TTC6: variants seen among roughly 807,000 people sequenced by gnomAD.
The protein encoded by TTC6 is tetratricopeptide repeat domain 6.
TTC6 carries 172 observed loss-of-function variants against 210.4 expected under a neutral mutation model. That is an observed-to-expected ratio of 0.82 (90% CI 0.72 to 0.93). The LOEUF (loss-of-function observed/expected upper bound fraction) is 0.93, where lower values mean the gene tolerates loss of function less well. Among genes scored for constraint, TTC6 ranks in the 40% least tolerant of loss-of-function variants. The pLI, the probability that TTC6 is intolerant of heterozygous loss-of-function variation, is 0.00. For missense variants in TTC6, 2,414 were observed against 2,318.1 expected (o/e 1.04, Z -0.85); for synonymous variants, 804 against 819.6 (o/e 0.98, Z 0.32).
intron 29 of TTC6, among the ~76,000 whole-genome samples, chr14:37,840,050 T>C (rs1956874100): frequency 6.6e-6 from 1 of 152,170 alleles, no homozygotes; most frequent in Non-Finnish European, 1.5e-5. Context: ...ACTGTAGCCT[T>C]GTAGTATAGT....
intron 1 of TTC6, among the ~76,000 whole-genome samples, chr14:37,650,899 TGGG>T (rs1566863763): frequency 1.3e-5 from 2 of 152,182 alleles, no homozygotes; most frequent in Non-Finnish European, 2.9e-5. Flanking sequence ...ACGCTGACCT[TGGG>T]GGCTTTTGAA....
At chr14:37,742,118 C>T (rs2095921872) in intron 10 of TTC6, among the ~76,000 whole-genome samples, 1 of 152,176 alleles carries the variant, frequency 6.6e-6, no homozygotes, top group Non-Finnish European at 1.5e-5. Context: ...TCTTCCAGGA[C>T]TGAGTAATAT....
chr14:37,782,672 G>A (rs989172256), intron 14 of TTC6, among the ~76,000 whole-genome samples: 1 of 152,166 alleles, frequency 6.6e-6, no homozygotes, highest in Non-Finnish European at 1.5e-5. Flanking sequence ...ATGTTGAATA[G>A]GAGTGATGAG....
chr14:37,728,762 T>G (rs942230223), intron 7 of TTC6, among the ~76,000 whole-genome samples: 1 of 152,222 alleles, frequency 6.6e-6, no homozygotes, highest in Admixed American at 6.5e-5. Flanking sequence ...CCCTACTGTC[T>G]GTGCTGTTTT....
chr14:37,607,617 C>CTTTTTTTTTT (rs71433907), intron 2 of TTC6, among the ~76,000 whole-genome samples: 1 of 140,228 alleles, frequency 7.1e-6, no homozygotes, highest in African/African-American at 2.6e-5. Context: ...AGTATTTAGT[C>CTTTTTTTTTT]TTTTTTTTTT....
chr14:37,668,764 A>T (rs891757096), intron 1 of TTC6, among the ~76,000 whole-genome samples: 28 of 152,200 alleles, frequency 1.8e-4, no homozygotes, highest in Non-Finnish European at 4.4e-5. Flanking sequence ...TTAATACAAA[A>T]TTTACCACAC....
At position 37,632,050 on chromosome 14, in the gene TTC6, G is replaced by C. The variant is rs112721959; in HGVS notation, c.939+9047G>C. ...TCAAGGCTCTTAGCTTCCTTACTTTGGGTTAGAACATGTTCCTTTAGCTTG... is the reference window on the plus strand; with the variant it reads ...TCAAGGCTCTTAGCTTCCTTACTTTCGGTTAGAACATGTTCCTTTAGCTTG... On this transcript the variant is annotated intron_variant, in intron 1 of 30. Coordinates refer to ENST00000553443, the Ensembl canonical transcript of TTC6. Among the ~76,000 whole-genome samples the C allele has an allele frequency of 1.3e-5, 2 of 152,088 alleles. 1 individual carries two copies. Among genetic ancestry groups the C allele is most frequent in the African/African-American group, 4.8e-5 (2 of 41,470 alleles).
chr14:37,743,346 G>T (rs71407733), intron 10 of TTC6, among the ~76,000 whole-genome samples: 6,783 of 152,054 alleles, frequency 0.045, 228 homozygotes, highest in Non-Finnish European at 0.07. Context: ...GTTCATCCAC[G>T]GTCTGCATTT....
intron 26 of TTC6, among the ~76,000 whole-genome samples, chr14:37,819,562 G>A (rs1714044533): frequency 6.6e-6 from 1 of 152,110 alleles, no homozygotes; most frequent in East Asian, 1.9e-4. Flanking sequence ...CACCACGAGT[G>A]TTATGGTAGA....
chr14:37,787,893 G>GTC (rs1157103253), intron 15 of TTC6, among the ~76,000 whole-genome samples: 1 of 89,296 alleles, frequency 1.1e-5, no homozygotes, highest in African/African-American at 6.1e-5. Context: ...GTGTGTCTGT[G>GTC]TGTGTGTGTG....
chr14:37,632,590 G>A (rs184022484), intron 1 of TTC6, among the ~76,000 whole-genome samples: 217 of 152,288 alleles, frequency 1.4e-3, no homozygotes, highest in African/African-American at 5.1e-3. Context: ...CAGGAGGCAC[G>A]GGGGTCAGGG....
intron 29 of TTC6, among the ~76,000 whole-genome samples, chr14:37,828,730 A>AG (rs1401924547): frequency 0.01 from 1,591 of 152,180 alleles, 34 homozygotes; most frequent in African/African-American, 0.036. Context: ...CATTGTTTTG[A>AG]ATATGTCAGG....
intron 1 of TTC6, among the ~76,000 whole-genome samples, chr14:37,662,954 A>G (rs1004992507): frequency 6.6e-6 from 1 of 152,044 alleles, no homozygotes; most frequent in Non-Finnish European, 1.5e-5. Context: ...TAGTCATACC[A>G]TTGAATCTGC....
exon 12 of TTC6, chr14:37,749,802 A>G: frequency 6.8e-7 from 1 of 1,460,834 alleles, no homozygotes; most frequent in Non-Finnish European, 9.0e-7. Flanking sequence ...GAAGCTTTGG[A>G]TGACTTGAAT....
chr14:37,764,118 T>C (rs1350298406), intron 14 of TTC6, among the ~76,000 whole-genome samples: 1 of 152,154 alleles, frequency 6.6e-6, no homozygotes, highest in Non-Finnish European at 1.5e-5. Flanking sequence ...TTTCTAGTTT[T>C]ATCCATTGTA....
exon 6 of TTC6, chr14:37,714,733 T>C (rs1420604614): frequency 6.5e-7 from 1 of 1,535,740 alleles, no homozygotes; most frequent in East Asian, 2.4e-5. Flanking sequence ...GGATACCACC[T>C]GAATTGGCAC....
intron 1 of TTC6, among the ~76,000 whole-genome samples, chr14:37,643,557 A>AT (rs1353085696): frequency 2.0e-5 from 3 of 151,972 alleles, no homozygotes; most frequent in Non-Finnish European, 4.4e-5. Flanking sequence ...TCATCATCAG[A>AT]TTTTTTTCAG....
intron 6 of TTC6, among the ~76,000 whole-genome samples, chr14:37,715,163 C>T (rs1487899988): frequency 6.6e-6 from 1 of 151,780 alleles, no homozygotes; most frequent in Non-Finnish European, 1.5e-5. Flanking sequence ...GAGAGAGTCC[C>T]TGTCTCAAAA....
intron 10 of TTC6, among the ~76,000 whole-genome samples, chr14:37,744,996 A>T (rs1443106143): frequency 6.6e-6 from 1 of 151,944 alleles, no homozygotes; most frequent in South Asian, 2.1e-4. Context: ...TGGATATGGG[A>T]TACACACACA....
Sources: allele counts gnomAD v4.1 joint callset (sites outside exome capture counted in the v4.1 genomes callset), GRCh38; gene constraint gnomAD v4.1.1; transcripts MANE v1.5; gene names NCBI Gene and HGNC (gene_info 2026-07-23, HGNC 2026-07-21).